Variants in TPD52L2 observed in about 807,000 individuals in gnomAD.
TPD52L2 encodes tumor protein D54.
Under a neutral mutation model 24.7 loss-of-function variants are expected in TPD52L2, and 19 were observed. The ratio of observed to expected loss-of-function variants is 0.77; its 90% CI spans 0.54 to 1.13. The LOEUF is 1.13. Ranked by LOEUF, TPD52L2 falls within the 50% of genes most tolerant of loss-of-function variation. The probability of loss-of-function intolerance (pLI) is 0.00; values close to 1 mark genes in which losing one functional copy is unlikely to be tolerated. For missense variants in TPD52L2, 236 were observed against 250.4 expected (o/e 0.94, Z 0.39); for synonymous variants, 104 against 100.2 (o/e 1.04, Z -0.23).
At chr20:63,874,530 T>C (rs994488282) in intron 3 of TPD52L2, among the ~76,000 whole-genome samples, 2 of 151,998 alleles carry the variant, frequency 1.3e-5, no homozygotes, top group Non-Finnish European at 2.9e-5. Flanking sequence ...TGCGCCACCA[T>C]GCCTGGCTAA....
intron 4 of TPD52L2, among the ~76,000 whole-genome samples, chr20:63,878,786 T>G (rs1321202993): frequency 6.6e-6 from 1 of 152,182 alleles, no homozygotes; most frequent in Non-Finnish European, 1.5e-5. Context: ...GCTCTCTTCC[T>G]AGAAGGTCTT....
At chr20:63,871,224 G>A (rs976012604) in intron 2 of TPD52L2, among the ~76,000 whole-genome samples, 1 of 151,750 alleles carries the variant, frequency 6.6e-6, no homozygotes, top group African/African-American at 2.4e-5. Context: ...TGTATTTTTA[G>A]TAGAGACAGA....
intron 1 of TPD52L2, among the ~76,000 whole-genome samples, chr20:63,869,005 G>A (rs2052362899): frequency 6.6e-6 from 1 of 152,212 alleles, no homozygotes; most frequent in South Asian, 2.1e-4. Context: ...TCCTGCCTCT[G>A]ACGATAGTAT....
chr20:63,888,890 GA>G, intron 5 of TPD52L2: 2 of 469,858 alleles, frequency 4.3e-6, no homozygotes, highest in Non-Finnish European at 7.8e-6. Context: ...GAGAGCCCGG[GA>G]TGTCCCTGTA....
chr20:63,886,638 C>G (rs1433540014), intron 5 of TPD52L2, among the ~76,000 whole-genome samples: 1 of 144,690 alleles, frequency 6.9e-6, no homozygotes, highest in African/African-American at 2.6e-5. Context: ...CGTGAGCCAC[C>G]GCGCCCGGCC....
intron 5 of TPD52L2, chr20:63,885,939 C>T (rs368109216): frequency 5.0e-4 from 767 of 1,521,604 alleles, no homozygotes; most frequent in Middle Eastern, 7.0e-4. Context: ...TGGGGCTCCC[C>T]GAGGAGGGCT....
intron 4 of TPD52L2, among the ~76,000 whole-genome samples, chr20:63,879,636 G>A (rs1335780151): frequency 6.7e-6 from 1 of 149,408 alleles, no homozygotes; most frequent in Non-Finnish European, 1.5e-5. Flanking sequence ...AAATGCAGGT[G>A]TAGCTTCCCC....
intron 6 of TPD52L2, 84 bp downstream of exon 6, chr20:63,889,322 G>C: frequency 8.5e-7 from 1 of 1,170,238 alleles, no homozygotes; most frequent in Non-Finnish European, 1.3e-6. Context: ...TTTAGTTATG[G>C]TAGACTCACA....
At chr20:63,871,088 G>T (rs1255952512) in intron 2 of TPD52L2, among the ~76,000 whole-genome samples, 1 of 152,060 alleles carries the variant, frequency 6.6e-6, no homozygotes, top group Non-Finnish European at 1.5e-5. Flanking sequence ...TGTCGCCCAG[G>T]CTAGAGTGCA....
Position 63,890,131 on chromosome 20 carries a change from A to G in TPD52L2, c.*186A>G. ...GAATTTGAAGAACACAGGCTTGTAC[A>G]CAGATGTTTTACACTCACGTTTGTA... On this transcript the variant is annotated 3_prime_UTR_variant, in exon 7 of 7. Coordinates refer to ENST00000346249, the MANE Select transcript of TPD52L2 (RefSeq NM_003288.4). 1 of 1,342,830 alleles carries G rather than the reference A, an allele frequency of 7.4e-7. No individual in the cohort carries two copies. The highest frequency in any genetic ancestry group is 2.6e-4 in the Middle Eastern group (1 of 3,840). 83.2% of individuals were successfully genotyped at this position (1,342,830 alleles called of 1,614,324 possible). A position where few individuals can be genotyped will look rare whatever the true frequency, so the allele number is the denominator to read the frequency against.
At chr20:63,882,645 A>C (rs1298292224) in intron 4 of TPD52L2, 74 bp from the exon 5 acceptor site, 3 of 1,207,740 alleles carry the variant, frequency 2.5e-6, no homozygotes, top group African/African-American at 1.5e-5. Flanking sequence ...GCGTGCTCCC[A>C]GTGCTTTGTT....
At chr20:63,883,542 A>G (rs914268084) in intron 5 of TPD52L2, among the ~76,000 whole-genome samples, 20 of 152,078 alleles carry the variant, frequency 1.3e-4, no homozygotes, top group African/African-American at 4.8e-4. Context: ...GTAGGAGTGG[A>G]TGATATAGGT....
intron 4 of TPD52L2, among the ~76,000 whole-genome samples, chr20:63,878,548 T>A (rs2052776259): frequency 6.6e-6 from 1 of 152,202 alleles, no homozygotes; most frequent in South Asian, 2.1e-4. Flanking sequence ...CCCCCACTGC[T>A]GCAGCCCAAC....
chr20:63,883,825 CCTG>C (rs60099676), intron 5 of TPD52L2, among the ~76,000 whole-genome samples: 38,742 of 149,878 alleles, frequency 0.26, 5,316 homozygotes, highest in African/African-American at 0.32. Flanking sequence ...GGGCTGCCTG[CCTG>C]CCTGCCTGCC....
chr20:63,886,483 CT>C lies in TPD52L2; in HGVS notation c.477-2706del, dbSNP rs369820133. On this transcript the variant is annotated intron_variant, in intron 5 of 6. Transcript: ENST00000346249. ...TCACGCCATTCTCCTGCCTCAGCCT[CT>C]CCGAGTAGCTGGGACTACAGGCGCC... is the stretch of plus-strand genomic sequence containing the variant. Among the ~76,000 whole-genome samples the C allele has an allele frequency of 2.9e-3, 439 of 151,932 alleles. 1 individual carries two copies. Among genetic ancestry groups the C allele is most frequent in the Middle Eastern group, 0.02 (6 of 294 alleles).
intron 2 of TPD52L2, among the ~76,000 whole-genome samples, chr20:63,871,852 T>C (rs2052478384): frequency 6.6e-6 from 1 of 152,052 alleles, no homozygotes; most frequent in African/African-American, 2.4e-5. Flanking sequence ...CAGGCTGGTC[T>C]CGGACTCCTG....
intron 4 of TPD52L2, among the ~76,000 whole-genome samples, chr20:63,881,447 A>G (rs374076116): frequency 6.6e-6 from 1 of 152,050 alleles, no homozygotes; most frequent in East Asian, 1.9e-4. Context: ...ATGCGCTGCC[A>G]GGGCACACTT....
intron 5 of TPD52L2, chr20:63,887,375 C>T (rs1338281217): frequency 2.3e-5 from 17 of 735,276 alleles, no homozygotes; most frequent in Non-Finnish European, 3.9e-5. Context: ...GGGTGCCCCC[C>T]ATGAGGCCAA....
At chr20:63,867,521 G>A (rs757922471) in intron 1 of TPD52L2, among the ~76,000 whole-genome samples, 43 of 151,794 alleles carry the variant, frequency 2.8e-4, no homozygotes, top group Non-Finnish European at 4.6e-4. Flanking sequence ...AGCGGAGATC[G>A]TGCCACTGCA....
Sources: gnomAD v4.1 joint callset for allele counts (sites outside exome capture counted in the v4.1 genomes callset) on GRCh38, gnomAD v4.1.1 for gene constraint, MANE v1.5 for transcripts, NCBI Gene and HGNC (gene_info 2026-07-23, HGNC 2026-07-21) for gene names.